Variants in MTX3 observed in about 807,000 individuals in gnomAD.
MTX3 encodes metaxin 3.
MTX3 carries 27 observed loss-of-function variants against 42.5 expected under a neutral mutation model. The ratio of observed to expected loss-of-function variants is 0.64; its 90% CI spans 0.47 to 0.88. The LOEUF is 0.88. MTX3 is among the 40% of genes least tolerant of loss of function. MTX3 has a pLI of 0.00. For missense variants in MTX3, 378 were observed against 367.0 expected, an observed-to-expected ratio of 1.03 and a Z score of -0.25; for synonymous variants, 144 against 132.9, an observed-to-expected ratio of 1.08 and a Z score of -0.57.
chr5:79,985,286 G>GT lies in MTX3; in HGVS notation c.828+284dup, dbSNP rs559969409. Among the ~76,000 whole-genome samples, 20 of 151,836 alleles carry GT rather than the reference G, an allele frequency of 1.3e-4. No individual in the cohort carries two copies. The East Asian group carries it at 3.5e-3, about 27-fold the overall frequency. On this transcript the variant is annotated intron_variant, in intron 8 of 8. Transcript: ENST00000512528. Reference sequence around the variant, plus strand: ...GTGACCCACCGCGCCCGGCCGCTTTGTTTTTTTAAAGCAAATCTTTTGGAT... The same window carrying GT: ...GTGACCCACCGCGCCCGGCCGCTTTGTTTTTTTTAAAGCAAATCTTTTGGAT...
Position 79,985,657 on chromosome 5 carries a change from T to A in MTX3, c.742A>T (p.Ile248Phe), listed in dbSNP as rs1428848371. Residue 248 changes from isoleucine to phenylalanine, a missense_variant and splice_region_variant, in exon 8 of 9, where the codon ATC becomes TTC. Transcript: ENST00000512528. Reference protein sequence around the residue: ...SSYFRLSLGGISPAGQETVDA... With the variant: ...SSYFRLSLGGFSPAGQETVDA... ...ACCGTTTCTTGTCCAGCTGGAGAGA[T>A]GCCTAAGAAGCCAGGACAGAAATCA... 1 of 1,609,182 alleles carries A rather than the reference T, an allele frequency of 6.2e-7. No homozygotes were observed. The highest frequency in any genetic ancestry group is 2.2e-5 in the East Asian group (1 of 44,844).
rs1384271216 is a variant in MTX3 at position 79,977,581 on chromosome 5, C to A, written c.*6103G>T. ...TCCAATTGTATACATTGCAAAGACA[C>A]ACAAAATGCCTCCTTACACACGATT... On this transcript the variant is annotated 3_prime_UTR_variant, in exon 9 of 9. Coordinates refer to ENST00000512528, the MANE Select transcript of MTX3 (RefSeq NM_001363818.2). 6.6e-6 allele frequency: 1 copy of A among 152,160 alleles called. No homozygotes were observed. The highest frequency in any genetic ancestry group is 2.4e-5 in the African/African-American group (1 of 41,428). 9.4% of individuals were successfully genotyped at this position (152,160 alleles called of 1,614,324 possible). A position where few individuals can be genotyped will look rare whatever the true frequency, so the allele number is the denominator to read the frequency against.
Position 79,981,490 on chromosome 5 carries a change from C to A in MTX3, c.*2194G>T, listed in dbSNP as rs1831373464. 6.6e-6 allele frequency: 1 copy of A among 152,186 alleles called. No individual in the cohort carries two copies. Among genetic ancestry groups the A allele is most frequent in the African/African-American group, 2.4e-5 (1 of 41,452 alleles). The allele number at this position is 152,186 out of a possible 1,614,324, so 9.4% of individuals were successfully genotyped here. ...AATACTTGTTATTCTAAAATGACCT[C>A]TTTTGATTAAAATTTCAGTTCATAA... On this transcript the variant is annotated 3_prime_UTR_variant, in exon 9 of 9. Transcript: ENST00000512528.
Position 79,983,644 on chromosome 5 carries a change from G to A in MTX3, c.*40C>T. The A allele has an allele frequency of 4.9e-6, 7 of 1,416,680 alleles. No individual in the cohort carries two copies. Among genetic ancestry groups the A allele is most frequent in the South Asian group, 1.1e-5 (1 of 87,062 alleles). The allele number at this position is 1,416,680 out of a possible 1,614,324, so 87.8% of individuals were successfully genotyped here. On this transcript the variant is annotated 3_prime_UTR_variant, in exon 9 of 9. Transcript: ENST00000512528. ...CACACACTTGGTGTAAGAGATTACT[G>A]CAACAATCGTTTGACTTTGGCCACA...
chr5:79,990,921 C>T lies in MTX3; in HGVS notation c.81+237G>A, dbSNP rs746020901. On this transcript the variant is annotated intron_variant, in intron 1 of 8. Coordinates refer to ENST00000512528, the MANE Select transcript of MTX3 (RefSeq NM_001363818.2). ...GGGTTTCACTCCACCGCCCAGACAG[C>T]TTTGTGAGGCGGACAAAACTCGGAG... 8.3e-5 allele frequency: 59 copies of T among 709,738 alleles called. No individual in the cohort carries two copies. In the African/African-American group the frequency reaches 9.4e-4, roughly 11 times the overall value. The allele number at this position is 709,738 out of a possible 1,614,324, so 44.0% of individuals were successfully genotyped here. A position where few individuals can be genotyped will look rare whatever the true frequency, so the allele number is the denominator to read the frequency against.
chr5:79,984,251 A>G (rs1831439874), intron 8 of MTX3, among the ~76,000 whole-genome samples: 1 of 152,174 alleles, frequency 6.6e-6, no homozygotes, highest in African/African-American at 2.4e-5. Context: ...TGTAAGGTTA[A>G]GTGATTTGCC....
In MTX3 at chr5:79,981,424, A is replaced by C. The variant is rs1292342420; in HGVS notation, c.*2260T>G. 4 of 152,236 alleles carry C rather than the reference A, an allele frequency of 2.6e-5. No individual in the cohort carries two copies. The highest frequency in any genetic ancestry group is 1.3e-4 in the Admixed American group (2 of 15,284). The allele number at this position is 152,236 out of a possible 1,614,324, so 9.4% of individuals were successfully genotyped here. ...CAAAGTAGGGATGACACAAAAACAA[A>C]TAAATCATATTGACAGTCATTCCCT... On this transcript the variant is annotated 3_prime_UTR_variant, in exon 9 of 9. Coordinates refer to ENST00000512528, the MANE Select transcript of MTX3 (RefSeq NM_001363818.2).
chr5:79,986,768 T>C (rs181021791), intron 7 of MTX3, 182 bp downstream of exon 7: 1 of 608,644 alleles, frequency 1.6e-6, no homozygotes, highest in Non-Finnish European at 2.9e-6. Flanking sequence ...TATTTATCTA[T>C]TTAAATAAGA....
At position 79,976,951 on chromosome 5, in the gene MTX3, T is replaced by C. The variant is rs189584866; in HGVS notation, c.*6733A>G. The C allele has an allele frequency of 1.3e-4, 20 of 152,578 alleles. No homozygotes were observed. The East Asian group carries it at 2.9e-3, about 22-fold the overall frequency. 9.5% of individuals were successfully genotyped at this position (152,578 alleles called of 1,614,324 possible). On this transcript the variant is annotated 3_prime_UTR_variant, in exon 9 of 9. Coordinates refer to ENST00000512528, the MANE Select transcript of MTX3 (RefSeq NM_001363818.2). ...TGTTTACTTTATAAAGAAGCTAGAG[T>C]AGTTGTGCAACTAGAACAGATGTTT...
At chr5:79,990,421 G>A (rs1831613298) in intron 2 of MTX3, among the ~76,000 whole-genome samples, 173 bp downstream of exon 2, 1 of 152,140 alleles carries the variant, frequency 6.6e-6, no homozygotes, top group Non-Finnish European at 1.5e-5. Flanking sequence ...AATTTCCAGT[G>A]ATTTCGCTTG....
rs1580882421 is a variant in MTX3, at chr5:79,982,469, C to T, written c.*1215G>A. On this transcript the variant is annotated 3_prime_UTR_variant, in exon 9 of 9. Transcript: ENST00000512528. ...AATCTTTTAAGACACTAATCAAAAA[C>T]ATGGTTCTACATTTTAAAAACCTCA... The T allele has an allele frequency of 2.2e-6, 1 of 453,934 alleles. No homozygotes were observed. 28.1% of individuals were successfully genotyped at this position (453,934 alleles called of 1,614,324 possible).
Position 79,979,973 on chromosome 5 carries a change from C to CT in MTX3, c.*3710_*3711insA, listed in dbSNP as rs1296529614. On this transcript the variant is annotated 3_prime_UTR_variant, in exon 9 of 9. Transcript: ENST00000512528. The stretch of plus-strand genomic sequence containing the variant: ...TTAATCTATGAATTTACTTTAAAAC[C>CT]ACTTTTATTTTGAAATACTTAAGAC... 2.0e-5 allele frequency: 3 copies of CT among 151,842 alleles called. No homozygotes were observed. Among genetic ancestry groups the CT allele is most frequent in the African/African-American group, 7.3e-5 (3 of 41,336 alleles). 9.4% of individuals were successfully genotyped at this position (151,842 alleles called of 1,614,324 possible). A position where few individuals can be genotyped will look rare whatever the true frequency, so the allele number is the denominator to read the frequency against.
intron 3 of MTX3, 51 bp downstream of exon 3, chr5:79,990,109 A>G (rs1331813525): frequency 1.7e-6 from 2 of 1,154,510 alleles, no homozygotes; most frequent in East Asian, 2.5e-5. Flanking sequence ...AAAGCCCAAC[A>G]TGCAGGGATC....
In MTX3 at chr5:79,983,766, T is replaced by C; in HGVS notation, c.857A>G (p.Gln286Arg). The change falls in exon 9 of 9, where the codon CAG becomes CGG. Residue 286 changes from glutamine to arginine, a missense_variant. Gln to Arg is a conservative substitution (Grantham distance 43). Transcript: ENST00000512528. ...TGTTGGCAGTTTCCGAGGAGGAAGC[T>C]GAGGGCTTTGGCGAAGATTGTCATC... ...KMDDNLRQSP[Q>R]LPPRKLPTLK... 2 of 1,613,764 alleles carry C rather than the reference T, an allele frequency of 1.2e-6. No individual in the cohort carries two copies. The highest frequency in any genetic ancestry group is 1.7e-6 in the Non-Finnish European group (2 of 1,179,708).
At chr5:79,988,217 T>TGATTTTTAAG (rs1831542336) in intron 6 of MTX3, 22 bp downstream of exon 6, 1 of 1,393,620 alleles carries the variant, frequency 7.2e-7, no homozygotes, top group Non-Finnish European at 1.0e-6. Flanking sequence ...AATACCAAAA[T>TGATTTTTAAG]GATTTTTAAG....
chr5:79,988,724 A>T, intron 4 of MTX3, 80 bp from the exon 5 acceptor site: 1 of 1,258,990 alleles, frequency 7.9e-7, no homozygotes. Flanking sequence ...AGAGTTTTTC[A>T]TAAATATCTT....
At chr5:79,990,354 C>A in intron 2 of MTX3, 118 bp from the exon 3 acceptor site, 1 of 767,110 alleles carries the variant, frequency 1.3e-6, no homozygotes, top group South Asian at 2.1e-5. Flanking sequence ...GTAAGCTTGT[C>A]TTGGTTTTTT....
At position 79,989,220 on chromosome 5, in the gene MTX3, A is replaced by T; in HGVS notation, c.253T>A (p.Ser85Thr). Residue 85 changes from serine (S) to threonine (T), a missense_variant, in exon 4 of 9, where the codon TCA becomes ACA. By Grantham distance (58) the Ser-to-Thr change is moderately conservative (BLOSUM62 1). Coordinates refer to ENST00000512528, the MANE Select transcript of MTX3 (RefSeq NM_001363818.2). ...AATGTATCTGCCCCTTGTTTTGCTGAGAGTTCATAATCAGCATTATATTTC... is the reference window on the plus strand; with the variant it reads ...AATGTATCTGCCCCTTGTTTTGCTGTGAGTTCATAATCAGCATTATATTTC... Reference protein sequence around the residue: ...KQKYNADYELSAKQGADTLAY... With the variant: ...KQKYNADYELTAKQGADTLAY... 6.2e-7 allele frequency: 1 copy of T among 1,603,960 alleles called. No individual in the cohort carries two copies. The highest frequency in any genetic ancestry group is 8.5e-7 in the Non-Finnish European group (1 of 1,174,656).
chr5:79,986,907 G>A (rs577510185), intron 7 of MTX3, 43 bp downstream of exon 7: 58 of 1,591,686 alleles, frequency 3.6e-5, no homozygotes, highest in African/African-American at 2.3e-4. Context: ...ACATACATAG[G>A]AGAATATGCA....
Sources: gnomAD v4.1 joint callset for allele counts (sites outside exome capture counted in the v4.1 genomes callset) on GRCh38, gnomAD v4.1.1 for gene constraint, MANE v1.5 for transcripts, NCBI Gene and HGNC (gene_info 2026-07-23, HGNC 2026-07-21) for gene names.